Variants in MECR observed in about 807,000 individuals in gnomAD.
The protein encoded by MECR is mitochondrial trans-2-enoyl-CoA reductase, also known as enoyl-[acyl-carrier-protein] reductase, mitochondrial.
A neutral mutation model predicts 49.1 loss-of-function variants in MECR; 37 were observed. The ratio of observed to expected loss-of-function variants is 0.75; its 90% confidence interval spans 0.58 to 0.99. The LOEUF is 0.99. Among genes scored for constraint, MECR ranks in the 50% least tolerant of loss-of-function variants. The pLI, the probability that MECR is intolerant of heterozygous loss-of-function variation, is 0.00. For missense variants in MECR, 470 were observed against 479.6 expected, an observed-to-expected ratio of 0.98 and a Z score of 0.19; for synonymous variants, 198 against 191.1, an observed-to-expected ratio of 1.04 and a Z score of -0.30.
At chr1:29,187,868 C>G (rs1053736128), downstream of MECR, among the ~76,000 whole-genome samples, 1 of 149,594 alleles carries the variant, frequency 6.7e-6, no homozygotes, top group African/African-American at 2.4e-5. Context: ...AACCCCATCT[C>G]TACTAAAAAT....
chr1:29,201,472 T>A lies in MECR; in HGVS notation c.756+471A>T, dbSNP rs1172464384. The A allele has an allele frequency of 6.0e-6, 3 of 500,830 alleles. No individual in the cohort carries two copies. Among genetic ancestry groups the A allele is most frequent in the Non-Finnish European group, 1.2e-5 (3 of 243,206 alleles). The allele number at this position is 500,830 out of a possible 1,614,324, so 31.0% of individuals were successfully genotyped here. A position where few individuals can be genotyped will look rare whatever the true frequency, so the allele number is the denominator to read the frequency against. On this transcript the variant is annotated intron_variant, in intron 6 of 9. Coordinates refer to ENST00000263702, the MANE Select transcript of MECR (RefSeq NM_016011.5). The surrounding 1 kb of genome is among the most constrained non-coding windows in gnomAD (Gnocchi z 4.3). ...CTCTCTGGAGCCCTTATAAACTATA[T>A]GATTTTGGTTAAGCATTTCCTCTTT... is the stretch of plus-strand genomic sequence containing the variant.
the MECR span, among the ~76,000 whole-genome samples, chr1:29,175,174 C>T: frequency 7.6e-4 from 115 of 151,976 alleles, no homozygotes; most frequent in African/African-American, 2.7e-3. Context: ...GTAATCCCAG[C>T]ACTTTGTGAG....
At chr1:29,174,385 A>T in the MECR span, among the ~76,000 whole-genome samples, 1 of 152,200 alleles carries the variant, frequency 6.6e-6, no homozygotes, top group Non-Finnish European at 1.5e-5. Context: ...ATTCATATAA[A>T]GGATATTCAA....
At chr1:29,168,789 T>C in the MECR span, 1 of 152,214 alleles carries the variant, frequency 6.6e-6, no homozygotes, top group African/African-American at 2.4e-5. Flanking sequence ...ACGTGGTGGA[T>C]GTGAATGAAT....
the MECR span, among the ~76,000 whole-genome samples, chr1:29,180,388 C>A: frequency 6.6e-6 from 1 of 152,170 alleles, no homozygotes; most frequent in Non-Finnish European, 1.5e-5. Flanking sequence ...TAAAAGAAAT[C>A]AGTACTTTAC....
Position 29,193,957 on chromosome 1 carries a change from G to T in MECR, c.*65C>A. 6.3e-7 allele frequency: 1 copy of T among 1,584,856 alleles called. No individual in the cohort carries two copies. ...TGGGGAAGGTGGGAGCCCCAACTGA[G>T]GGGCCTGCACCCAGCCCCTCAGATC... On this transcript the variant is annotated 3_prime_UTR_variant, in exon 10 of 10. Coordinates refer to ENST00000263702, the MANE Select transcript of MECR (RefSeq NM_016011.5).
chr1:29,170,120 G>A, the MECR span: 1 of 152,118 alleles, frequency 6.6e-6, no homozygotes, highest in Non-Finnish European at 1.5e-5. Flanking sequence ...AATCATCTGT[G>A]TCCATTTCAA....
At chr1:29,181,828 G>A in the MECR span, 6 of 1,267,922 alleles carry the variant, frequency 4.7e-6, no homozygotes, top group African/African-American at 1.6e-5. Context: ...GAGCACGGCG[G>A]CAGCGGCGGC....
At chr1:29,167,995 C>T in the MECR span, among the ~76,000 whole-genome samples, 17,125 of 149,868 alleles carry the variant, frequency 0.11, 1,328 homozygotes, top group East Asian at 0.41. Context: ...CAGCTCTAAA[C>T]CACAAGGTTC....
downstream of MECR, among the ~76,000 whole-genome samples, chr1:29,191,165 T>C (rs1355005178): frequency 6.6e-6 from 1 of 152,166 alleles, no homozygotes; most frequent in African/African-American, 2.4e-5. Context: ...ATTCTGCACG[T>C]TCCTCCAGAT....
chr1:29,197,284 C>G (rs1674236073), intron 7 of MECR, among the ~76,000 whole-genome samples: 1 of 152,132 alleles, frequency 6.6e-6, no homozygotes, highest in African/African-American at 2.4e-5. Flanking sequence ...TGAAAATGGC[C>G]CAGACCTCAT....
chr1:29,202,158 G>A, intron 5 of MECR, 113 bp from the exon 6 acceptor site: 4 of 916,074 alleles, frequency 4.4e-6, no homozygotes. Context: ...CAGGAAGCTG[G>A]GATTAGGTTT....
chr1:29,197,741 CCT>C (rs1407948382), intron 7 of MECR, among the ~76,000 whole-genome samples: 1 of 152,170 alleles, frequency 6.6e-6, no homozygotes, highest in Non-Finnish European at 1.5e-5. Context: ...GGAGCCAAGC[CCT>C]CTCTCTTCTG....
At chr1:29,169,723 C>T in the MECR span, 1 of 152,164 alleles carries the variant, frequency 6.6e-6, no homozygotes, top group Non-Finnish European at 1.5e-5. Flanking sequence ...ACTAACCAAA[C>T]TCAAGCCCAT....
At chr1:29,187,832 C>G (rs941859908), downstream of MECR, among the ~76,000 whole-genome samples, 1 of 150,118 alleles carries the variant, frequency 6.7e-6, no homozygotes, top group Non-Finnish European at 1.5e-5. Context: ...GTCAGGAGAT[C>G]GAGACCATCC....
chr1:29,207,114 T>G (rs1676792797), intron 3 of MECR, among the ~76,000 whole-genome samples: 2 of 152,036 alleles, frequency 1.3e-5, no homozygotes, highest in African/African-American at 2.4e-5. Flanking sequence ...CACAATAGAT[T>G]GTTATTCTTT....
chr1:29,206,704 G>A (rs1676669194), intron 4 of MECR, 58 bp downstream of exon 4: 3 of 1,595,114 alleles, frequency 1.9e-6, no homozygotes, highest in Non-Finnish European at 2.6e-6. Context: ...GGGTCAGGAT[G>A]TGAGTGGCAC....
At chr1:29,196,411 G>A (rs1160504124) in intron 7 of MECR, among the ~76,000 whole-genome samples, 153 bp from the exon 8 acceptor site, 1 of 152,242 alleles carries the variant, frequency 6.6e-6, no homozygotes, top group East Asian at 1.9e-4. Flanking sequence ...TTCCAGCTGG[G>A]AGCAGTGGCT....
At chr1:29,181,581 C>T in the MECR span, 4 of 1,378,516 alleles carry the variant, frequency 2.9e-6, no homozygotes, top group Admixed American at 6.5e-5. Context: ...CTCCCGTCCC[C>T]GCGGCCTCCC....
Sources: allele counts gnomAD v4.1 joint callset (sites outside exome capture counted in the v4.1 genomes callset), GRCh38; gene constraint gnomAD v4.1.1; non-coding constraint Gnocchi (gnomAD v3.1); transcripts MANE v1.5; gene names NCBI Gene and HGNC (gene_info 2026-07-23, HGNC 2026-07-21).